Variants in RAB27B observed in about 807,000 individuals in gnomAD.
The protein encoded by RAB27B is RAB27B, member RAS oncogene family.
RAB27B carries 15 observed loss-of-function variants against 24.6 expected under a neutral mutation model. That is an observed-to-expected ratio of 0.61 (90% CI 0.41 to 0.94). The LOEUF is 0.94. RAB27B is among the 40% of genes least tolerant of loss of function. RAB27B has a pLI of 0.00. For synonymous variants in RAB27B, 105 were observed against 92.5 expected, an observed-to-expected ratio of 1.14 and a Z score of -0.78; for missense variants, 261 against 266.8, an observed-to-expected ratio of 0.98 and a Z score of 0.15.
chr18:54,882,968 A>C (rs1274676257), intron 3 of RAB27B, among the ~76,000 whole-genome samples: 1 of 152,188 alleles, frequency 6.6e-6, no homozygotes, highest in Non-Finnish European at 1.5e-5. Context: ...GAAGTTGTCC[A>C]GGTGAGAGAG....
chr18:54,725,299 C>T lies in RAB27B; in HGVS notation c.-20+7158C>T, dbSNP rs150564366. 4.8e-3 allele frequency among the ~76,000 whole-genome samples: 723 copies of T among 151,142 alleles called. 12 individuals are homozygous for T. Among genetic ancestry groups the T allele is most frequent in the African/African-American group, 0.016 (678 of 41,308 alleles). ...GTAAACGTTAGTTCTTTTTTTTCTT[C>T]CTTCTGTCTCTGGCAGTGATTAACC... On this transcript the variant is annotated intron_variant, in intron 2 of 4. Transcript: ENST00000586570.
At chr18:54,855,935 A>G (rs545450897) in intron 1 of RAB27B, among the ~76,000 whole-genome samples, 3 of 152,348 alleles carry the variant, frequency 2.0e-5, no homozygotes, top group South Asian at 4.1e-4. Flanking sequence ...ATTAGATCCA[A>G]CAGGGCATAT....
intron 1 of RAB27B, among the ~76,000 whole-genome samples, chr18:54,874,085 A>G (rs1912592697): frequency 6.6e-6 from 1 of 152,178 alleles, no homozygotes. Flanking sequence ...GTTTATGTAC[A>G]AAAGACAGAG....
intron 2 of RAB27B, among the ~76,000 whole-genome samples, chr18:54,729,675 C>T (rs1909668770): frequency 1.3e-5 from 2 of 152,038 alleles, no homozygotes; most frequent in Admixed American, 6.6e-5. Flanking sequence ...CCATAGAAAG[C>T]AGGCAAATAT....
chr18:54,823,620 C>T (rs1910381129), upstream of RAB27B, among the ~76,000 whole-genome samples: 1 of 152,160 alleles, frequency 6.6e-6, no homozygotes, highest in African/African-American at 2.4e-5. Context: ...CCATACCTGG[C>T]AGTGTACCAG....
chr18:54,797,816 T>A (rs922349034), intron 2 of RAB27B, among the ~76,000 whole-genome samples: 1 of 152,222 alleles, frequency 6.6e-6, no homozygotes, highest in Admixed American at 6.5e-5. Context: ...TTAAAGACAG[T>A]TTATTTGCAT....
chr18:54,850,555 T>C (rs1911540952), intron 1 of RAB27B, among the ~76,000 whole-genome samples: 1 of 150,576 alleles, frequency 6.6e-6, no homozygotes, highest in Admixed American at 6.6e-5. Context: ...TCAGTAGAGA[T>C]GGCGTTTCAC....
intron 2 of RAB27B, among the ~76,000 whole-genome samples, chr18:54,780,039 A>G (rs1279512253): frequency 8.0e-6 from 1 of 125,138 alleles, no homozygotes; most frequent in African/African-American, 3.3e-5. Flanking sequence ...CTTCCCCATC[A>G]CCGTGTCTCC....
intron 3 of RAB27B, among the ~76,000 whole-genome samples, chr18:54,882,694 G>A (rs1912976134): frequency 6.6e-6 from 1 of 152,164 alleles, no homozygotes; most frequent in African/African-American, 2.4e-5. Flanking sequence ...GCCCAGGGGA[G>A]CAGAGTGAAC....
At chr18:54,736,874 C>T (rs190075425) in intron 2 of RAB27B, among the ~76,000 whole-genome samples, 7 of 152,164 alleles carry the variant, frequency 4.6e-5, no homozygotes, top group Non-Finnish European at 7.4e-5. Context: ...AAAGTTTGAA[C>T]AAATAAGCTA....
At chr18:54,799,614 A>ATTTTTTTTTTT (rs869256244) in intron 2 of RAB27B, among the ~76,000 whole-genome samples, 1 of 67,526 alleles carries the variant, frequency 1.5e-5, no homozygotes, top group Non-Finnish European at 2.6e-5. Flanking sequence ...TAATAAAATG[A>ATTTTTTTTTTT]TTTTTTTTTT....
intron 2 of RAB27B, among the ~76,000 whole-genome samples, chr18:54,721,559 C>A (rs1734575287): frequency 6.6e-6 from 1 of 152,116 alleles, no homozygotes; most frequent in Non-Finnish European, 1.5e-5. Context: ...TTAATGATCT[C>A]TTGCTGTATT....
intron 2 of RAB27B, among the ~76,000 whole-genome samples, chr18:54,767,919 G>A (rs1049042040): frequency 6.6e-6 from 1 of 152,120 alleles, no homozygotes; most frequent in Admixed American, 6.6e-5. Flanking sequence ...TGCTTGTGTT[G>A]GAGGAGGTGG....
At chr18:54,732,476 C>T (rs940473800) in intron 2 of RAB27B, among the ~76,000 whole-genome samples, 1 of 152,124 alleles carries the variant, frequency 6.6e-6, no homozygotes, top group Non-Finnish European at 1.5e-5. Context: ...AGTCCGGTGT[C>T]ACAACACATC....
intron 2 of RAB27B, among the ~76,000 whole-genome samples, chr18:54,758,048 T>C (rs976597618): frequency 2.0e-5 from 3 of 152,120 alleles, no homozygotes; most frequent in African/African-American, 4.8e-5. Flanking sequence ...CTCTCGGCTC[T>C]GTTGAGTATT....
intron 1 of RAB27B, among the ~76,000 whole-genome samples, chr18:54,866,627 A>G (rs531716518): frequency 1.3e-5 from 2 of 152,352 alleles, no homozygotes; most frequent in African/African-American, 2.4e-5. Context: ...GCAGACAGCC[A>G]GATGCCTAGT....
At chr18:54,875,088 T>C (rs1281256363) in intron 1 of RAB27B, among the ~76,000 whole-genome samples, 3 of 152,156 alleles carry the variant, frequency 2.0e-5, no homozygotes, top group Non-Finnish European at 4.4e-5. Flanking sequence ...TTTCGGAAGC[T>C]GAAATGGGTG....
At chr18:54,837,230 G>T (rs1318086097) in intron 1 of RAB27B, among the ~76,000 whole-genome samples, 2 of 152,114 alleles carry the variant, frequency 1.3e-5, no homozygotes, top group Admixed American at 1.3e-4. Context: ...AAACTGTAGA[G>T]AGATCAGTGA....
At chr18:54,790,470 C>A (rs1354339291) in intron 2 of RAB27B, among the ~76,000 whole-genome samples, 1 of 152,102 alleles carries the variant, frequency 6.6e-6, no homozygotes, top group East Asian at 1.9e-4. Flanking sequence ...GTGATTTAAT[C>A]TTGCATGATT....
Sources: gnomAD v4.1 joint callset for allele counts (sites outside exome capture counted in the v4.1 genomes callset) on GRCh38, gnomAD v4.1.1 for gene constraint, MANE v1.5 for transcripts, NCBI Gene and HGNC (gene_info 2026-07-23, HGNC 2026-07-21) for gene names.